The following CDC14B variants were observed in gnomAD, a reference collection of about 807,000 sequenced individuals.
CDC14B encodes the protein dual specificity protein phosphatase CDC14B.
In CDC14B, 22 loss-of-function variants were observed where a neutral mutation model predicts 64.2. The observed-to-expected ratio is 0.34, with a 90% CI of 0.24 to 0.49. The LOEUF (loss-of-function observed/expected upper bound fraction) is 0.49, where lower values mean the gene tolerates loss of function less well. Ranked by LOEUF, CDC14B falls within the 20% of genes least tolerant of loss-of-function variation. The probability of loss-of-function intolerance (pLI) is 0.99; values close to 1 mark genes in which losing one functional copy is unlikely to be tolerated. For synonymous variants in CDC14B, 191 were observed against 215.8 expected (o/e 0.89, Z 1.01); for missense variants, 498 against 629.9 (o/e 0.79, Z 2.24).
rs1470277410 is a variant in CDC14B at position 96,619,626 on chromosome 9, C to T, written c.-248G>A. 6.8e-6 allele frequency: 1 copy of T among 147,232 alleles called. No individual in the cohort carries two copies. Among genetic ancestry groups the T allele is most frequent in the Non-Finnish European group, 1.5e-5 (1 of 66,302 alleles). 9.1% of individuals were successfully genotyped at this position (147,232 alleles called of 1,614,324 possible). A position where few individuals can be genotyped will look rare whatever the true frequency, so the allele number is the denominator to read the frequency against. ...AGGACCGGCGCCGCAGCCCTCGCTA[C>T]AGCGCCTCCTGCCGCGGCCGGCGCC... On this transcript the variant is annotated 5_prime_UTR_variant, in exon 1 of 14. Transcript: ENST00000375241.
At chr9:96,555,920 T>TTAGTATG (rs201742573) in intron 4 of CDC14B, among the ~76,000 whole-genome samples, 19,165 of 152,148 alleles carry the variant, frequency 0.13, 1,632 homozygotes, top group East Asian at 0.29. Context: ...CTAACATACG[T>TTAGTATG]TTCAAAACCT....
intron 12 of CDC14B, among the ~76,000 whole-genome samples, chr9:96,510,284 A>G (rs1459637862): frequency 6.6e-6 from 1 of 152,362 alleles, no homozygotes; most frequent in South Asian, 2.1e-4. Flanking sequence ...AAAATTTTAG[A>G]AAGTGTTTAA....
At chr9:96,507,541 G>A (rs1004141941) in intron 13 of CDC14B, among the ~76,000 whole-genome samples, 6 of 151,386 alleles carry the variant, frequency 4.0e-5, no homozygotes, top group Non-Finnish European at 5.9e-5. Flanking sequence ...TCAGCCTCCC[G>A]AGTAGCTGGG....
chr9:96,617,725 A>AGACT (rs1847720116), intron 1 of CDC14B, among the ~76,000 whole-genome samples: 1 of 152,192 alleles, frequency 6.6e-6, no homozygotes, highest in Non-Finnish European at 1.5e-5. Context: ...GGACACTTGG[A>AGACT]GACTGTGAGA....
chr9:96,611,348 G>A (rs1847309523), intron 1 of CDC14B, among the ~76,000 whole-genome samples: 2 of 152,310 alleles, frequency 1.3e-5, no homozygotes, highest in East Asian at 1.9e-4. Flanking sequence ...GTTAGTTCCT[G>A]CGAACCAGTC....
Position 96,523,689 on chromosome 9 carries a change from T to C in CDC14B, c.983A>G (p.Tyr328Cys), listed in dbSNP as rs761045886. 3 of 1,614,090 alleles carry C rather than the reference T, an allele frequency of 1.9e-6. No homozygotes were observed. Among genetic ancestry groups the C allele is most frequent in the East Asian group, 2.2e-5 (1 of 44,874 alleles). Residue 328 changes from tyrosine (Y) to cysteine (C), a missense_variant, in exon 10 of 14, where the codon TAC becomes TGC. Transcript: ENST00000375241. ...TGTCATCCTGTAATGCTTCATGATG[T>C]AGCAGGCTATCAGAGTGCCCGTGCG... Reference protein sequence around the residue: ...LGRTGTLIACYIMKHYRMTAA... With the variant: ...LGRTGTLIACCIMKHYRMTAA...
chr9:96,592,800 C>G (rs566982308), intron 1 of CDC14B, among the ~76,000 whole-genome samples: 1 of 151,622 alleles, frequency 6.6e-6, no homozygotes, highest in African/African-American at 2.4e-5. Context: ...AAACAGGTTG[C>G]TAAACAAGGA....
At chr9:96,597,322 C>T (rs541657896) in intron 1 of CDC14B, among the ~76,000 whole-genome samples, 4 of 151,870 alleles carry the variant, frequency 2.6e-5, no homozygotes, top group Non-Finnish European at 5.9e-5. Context: ...GGTGAAACCC[C>T]GTCTCTACTA....
chr9:96,600,873 T>C (rs566880877), intron 1 of CDC14B, among the ~76,000 whole-genome samples: 18 of 152,188 alleles, frequency 1.2e-4, no homozygotes, highest in African/African-American at 4.3e-4. Context: ...TGTCCACAAC[T>C]CCTAAAATTC....
exon 14 of CDC14B, chr9:96,492,222 G>A (rs1185816715): frequency 1.3e-5 from 2 of 152,318 alleles, no homozygotes; most frequent in Non-Finnish European, 2.9e-5. Context: ...CTCCTGAAAA[G>A]TGGAGGTCAA....
At chr9:96,544,423 G>A (rs76215130) in intron 5 of CDC14B, among the ~76,000 whole-genome samples, 7,928 of 152,166 alleles carry the variant, frequency 0.052, 698 homozygotes, top group African/African-American at 0.18. Context: ...AGCTAAAATC[G>A]TCTTCAATGT....
At chr9:96,548,651 T>C (rs1375436635) in intron 5 of CDC14B, among the ~76,000 whole-genome samples, 1 of 152,028 alleles carries the variant, frequency 6.6e-6, no homozygotes, top group Non-Finnish European at 1.5e-5. Flanking sequence ...ACCCCATCTC[T>C]ACTAAAAATA....
intron 3 of CDC14B, among the ~76,000 whole-genome samples, chr9:96,563,548 G>A (rs1378242462): frequency 1.3e-5 from 2 of 151,802 alleles, no homozygotes; most frequent in African/African-American, 4.8e-5. Context: ...TACTTGGGAG[G>A]CTGAGGCAGG....
At chr9:96,546,745 C>T (rs1455388414) in intron 5 of CDC14B, among the ~76,000 whole-genome samples, 1 of 151,778 alleles carries the variant, frequency 6.6e-6, no homozygotes, top group African/African-American at 2.4e-5. Flanking sequence ...CCACCGCGCC[C>T]GGCCACGACA....
intron 1 of CDC14B, among the ~76,000 whole-genome samples, chr9:96,613,009 G>A (rs1445162769): frequency 6.6e-6 from 1 of 152,216 alleles, no homozygotes; most frequent in Non-Finnish European, 1.5e-5. Flanking sequence ...AAGTAGCACA[G>A]GACTAACTAG....
chr9:96,579,819 A>C (rs1845036177), intron 1 of CDC14B, among the ~76,000 whole-genome samples: 1 of 152,180 alleles, frequency 6.6e-6, no homozygotes, highest in African/African-American at 2.4e-5. Flanking sequence ...CTGTCACAGC[A>C]GCCCTAGATG....
chr9:96,566,972 G>A, intron 1 of CDC14B: 1 of 1,458,452 alleles, frequency 6.9e-7, no homozygotes, highest in Non-Finnish European at 9.1e-7. Context: ...CCAACGGCCT[G>A]ACACGACAGC....
intron 5 of CDC14B, among the ~76,000 whole-genome samples, chr9:96,543,394 G>A (rs547578141): frequency 1.3e-5 from 2 of 150,684 alleles, no homozygotes; most frequent in Admixed American, 6.6e-5. Flanking sequence ...TTGGCCTCCC[G>A]AAGTGTTGAG....
chr9:96,557,752 AT>A (rs1466582477), intron 4 of CDC14B, among the ~76,000 whole-genome samples: 1 of 152,242 alleles, frequency 6.6e-6, no homozygotes, highest in East Asian at 1.9e-4. Flanking sequence ...AACATAAAAA[AT>A]AATAATATAC....
Sources: gnomAD v4.1 joint callset for allele counts (sites outside exome capture counted in the v4.1 genomes callset) on GRCh38, gnomAD v4.1.1 for gene constraint, MANE v1.5 for transcripts, NCBI Gene and HGNC (gene_info 2026-07-23, HGNC 2026-07-21) for gene names.